FRMD4A: variants seen among roughly 807,000 people sequenced by gnomAD.
The protein encoded by FRMD4A is FERM domain-containing protein 4A.
Under a neutral mutation model 129.1 loss-of-function variants are expected in FRMD4A, and 29 were observed. That is an observed-to-expected ratio of 0.22 (90% CI 0.17 to 0.31). The LOEUF is 0.31. FRMD4A is among the 10% of genes least tolerant of loss of function. The pLI is 1.00. For synonymous variants in FRMD4A, 634 were observed against 571.6 expected (o/e 1.11, Z -1.56); for missense variants, 1,272 against 1,375.8 (o/e 0.92, Z 1.19).
chr10:13,812,348 G>A (rs550800109), intron 3 of FRMD4A, among the ~76,000 whole-genome samples: 1 of 152,298 alleles, frequency 6.6e-6, no homozygotes, highest in Admixed American at 6.5e-5. Flanking sequence ...GATGGGATTC[G>A]TGTCCTTATA....
chr10:13,667,446 TCTC>T (rs1331220296), intron 17 of FRMD4A: 1 of 151,458 alleles, frequency 6.6e-6, no homozygotes, highest in Non-Finnish European at 1.5e-5. Flanking sequence ...TGGATGAGAT[TCTC>T]CTCAGAGTTT....
intron 2 of FRMD4A, among the ~76,000 whole-genome samples, chr10:14,240,342 C>CGTGACATTTCTATCAT (rs1843998353): frequency 6.6e-6 from 1 of 152,116 alleles, no homozygotes. Context: ...CCGGTGTGTG[C>CGTGACATTTCTATCAT]GTGACATTTC....
chr10:13,693,669 C>T (rs183183889), intron 15 of FRMD4A: 22 of 639,542 alleles, frequency 3.4e-5, no homozygotes, highest in Admixed American at 1.4e-4. Flanking sequence ...TCTTGCACTG[C>T]GTGGTTCTAC....
intron 6 of FRMD4A, among the ~76,000 whole-genome samples, chr10:13,779,562 AG>A (rs2092685796): frequency 6.6e-6 from 1 of 152,178 alleles, no homozygotes; most frequent in Admixed American, 6.5e-5. Flanking sequence ...TACCCAGGTA[AG>A]AGGTAGAACT....
intron 2 of FRMD4A, among the ~76,000 whole-genome samples, chr10:14,010,664 C>CTATTT (rs2095678744): frequency 1.3e-5 from 1 of 76,418 alleles, no homozygotes; most frequent in Admixed American, 1.9e-4. Flanking sequence ...GAGTTTAGGT[C>CTATTT]TTTTTTTTTT....
At chr10:13,768,587 T>C (rs1248510375) in intron 6 of FRMD4A, among the ~76,000 whole-genome samples, 1 of 152,206 alleles carries the variant, frequency 6.6e-6, no homozygotes, top group East Asian at 1.9e-4. Flanking sequence ...ACCAAGCGTT[T>C]TCCTAACGAA....
At chr10:14,222,676 TG>T (rs1424373331) in intron 2 of FRMD4A, among the ~76,000 whole-genome samples, 1 of 152,178 alleles carries the variant, frequency 6.6e-6, no homozygotes, top group Non-Finnish European at 1.5e-5. Context: ...CCCTCCCCAC[TG>T]CAGAATCAGG....
rs186773532 is a variant in FRMD4A, at chr10:14,122,562, G to A, written c.45+207496C>T. On this transcript the variant is annotated intron_variant, in intron 2 of 24. Transcript: ENST00000357447. ...TACAATCACGGCAGAATGTGAAGCG[G>A]GGAGCAGGCATATCACACGGGTAGA... Among the ~76,000 whole-genome samples, 610 of 151,016 alleles carry A rather than the reference G, an allele frequency of 4.0e-3. 2 individuals are homozygous for A. Among genetic ancestry groups the A allele is most frequent in the Non-Finnish European group, 4.2e-3 (282 of 67,792 alleles).
chr10:13,865,143 T>C (rs912438094), intron 2 of FRMD4A, among the ~76,000 whole-genome samples: 2 of 152,088 alleles, frequency 1.3e-5, no homozygotes, highest in Admixed American at 1.3e-4. Context: ...ATGACCAGCT[T>C]ACCTCATCTT....
chr10:14,236,468 C>T (rs577835559), intron 2 of FRMD4A, among the ~76,000 whole-genome samples: 2 of 152,194 alleles, frequency 1.3e-5, no homozygotes, highest in Non-Finnish European at 2.9e-5. Flanking sequence ...ACAGTCACAG[C>T]CAGGACACTG....
intron 3 of FRMD4A, among the ~76,000 whole-genome samples, chr10:13,822,010 G>C (rs939032040): frequency 6.6e-6 from 1 of 151,982 alleles, no homozygotes; most frequent in African/African-American, 2.4e-5. Flanking sequence ...AGTACATCAA[G>C]GAAAGGGGTA....
intron 2 of FRMD4A, among the ~76,000 whole-genome samples, chr10:13,892,941 A>G (rs546167234): frequency 7.2e-5 from 11 of 152,334 alleles, no homozygotes; most frequent in Non-Finnish European, 1.5e-4. Context: ...CAACAGTTCA[A>G]AAGGCCTCAC....
chr10:13,658,134 A>T (rs1322048584), intron 21 of FRMD4A, among the ~76,000 whole-genome samples: 24 of 127,068 alleles, frequency 1.9e-4, no homozygotes, highest in African/African-American at 7.6e-4. Flanking sequence ...GTCTCTCTTA[A>T]AAAAAAAAAA....
chr10:13,650,932 T>C (rs1232538373), intron 24 of FRMD4A: 1 of 138,632 alleles, frequency 7.2e-6, no homozygotes, highest in East Asian at 2.2e-4. Context: ...CCTCTCAGCA[T>C]TGCATTTTGT....
intron 2 of FRMD4A, among the ~76,000 whole-genome samples, chr10:14,300,969 G>A (rs1846165329): frequency 6.6e-6 from 1 of 152,164 alleles, no homozygotes; most frequent in African/African-American, 2.4e-5. Context: ...TACAATGGGA[G>A]CTTTGGGCCA....
chr10:14,030,519 C>T (rs991636602), intron 2 of FRMD4A, among the ~76,000 whole-genome samples: 5 of 152,226 alleles, frequency 3.3e-5, no homozygotes, highest in African/African-American at 9.6e-5. Context: ...TTCTGCCTTA[C>T]CTTCAAACTA....
intron 2 of FRMD4A, among the ~76,000 whole-genome samples, chr10:14,110,629 T>TAACAAAACAAAACAA (rs141263753): frequency 6.4e-4 from 96 of 150,680 alleles, no homozygotes; most frequent in Middle Eastern, 6.8e-3. Context: ...GCTTTCTTGC[T>TAACAAAACAAAACAA]AACAAAACAA....
At chr10:13,694,540 G>A (rs192712619) in intron 14 of FRMD4A, among the ~76,000 whole-genome samples, 1 of 149,392 alleles carries the variant, frequency 6.7e-6, no homozygotes, top group Admixed American at 6.6e-5. Context: ...CTTAAACAAG[G>A]AGGAGAAAAT....
intron 6 of FRMD4A, among the ~76,000 whole-genome samples, chr10:13,763,976 C>T (rs1032166100): frequency 6.6e-6 from 1 of 152,132 alleles, no homozygotes; most frequent in Non-Finnish European, 1.5e-5. Flanking sequence ...AGGTGACCTG[C>T]CTGCCTTGGC....
Sources: gnomAD v4.1 joint callset for allele counts (sites outside exome capture counted in the v4.1 genomes callset) on GRCh38, gnomAD v4.1.1 for gene constraint, MANE v1.5 for transcripts, NCBI Gene and HGNC (gene_info 2026-07-23, HGNC 2026-07-21) for gene names.